PDE10A: variants seen among roughly 807,000 people sequenced by gnomAD.
PDE10A encodes cAMP and cAMP-inhibited cGMP 3',5'-cyclic phosphodiesterase 10A.
PDE10A carries 39 observed loss-of-function variants against 97.7 expected under a neutral mutation model. That is an observed-to-expected ratio of 0.40 (90% CI 0.31 to 0.52). The LOEUF is 0.52. Ranked by LOEUF, PDE10A falls within the 20% of genes least tolerant of loss-of-function variation. The pLI is 0.56. For missense variants in PDE10A, 731 were observed against 1,047.8 expected (o/e 0.70, Z 4.17); for synonymous variants, 371 against 376.8 (o/e 0.98, Z 0.18).
chr6:165,601,158 T>A (rs1489236511), intron 1 of PDE10A, among the ~76,000 whole-genome samples: 3 of 152,164 alleles, frequency 2.0e-5, no homozygotes, highest in Non-Finnish European at 4.4e-5. Flanking sequence ...GGGTTTCCAC[T>A]TTTGCTTCTT....
intron 13 of PDE10A, among the ~76,000 whole-genome samples, chr6:165,405,147 A>G (rs1333001171): frequency 2.6e-5 from 4 of 152,202 alleles, no homozygotes; most frequent in African/African-American, 9.6e-5. Context: ...TTCAGGAGAA[A>G]GTAGGGGCAT....
intron 18 of PDE10A, among the ~76,000 whole-genome samples, chr6:165,353,189 C>T (rs1220328324): frequency 6.6e-6 from 1 of 152,056 alleles, no homozygotes; most frequent in Non-Finnish European, 1.5e-5. Context: ...CTGACAATGC[C>T]CAATGCTGGA....
At position 165,562,247 on chromosome 6, in the gene PDE10A, T is replaced by G. The variant is rs1784557020; in HGVS notation, c.866-18679A>C. ...CAAAAGATATAAACCAAATTTATAT[T>G]TAAAGGGTATAATTCATATTATGTA... is the stretch of plus-strand genomic sequence containing the variant. On this transcript the variant is annotated intron_variant, in intron 1 of 21. Transcript: ENST00000539869. Among the ~76,000 whole-genome samples the G allele has an allele frequency of 2.0e-5, 3 of 152,322 alleles. No homozygotes were observed. In the South Asian group the frequency reaches 6.2e-4, roughly 32 times the overall value.
intron 17 of PDE10A, among the ~76,000 whole-genome samples, chr6:165,385,930 A>AAG (rs1785271891): frequency 6.6e-6 from 1 of 152,134 alleles, no homozygotes; most frequent in Non-Finnish European, 1.5e-5. Context: ...CTGTTTTTGC[A>AAG]ATGTACCTAG....
intron 1 of PDE10A, among the ~76,000 whole-genome samples, chr6:165,889,375 A>T (rs1781714315): frequency 6.6e-6 from 1 of 152,224 alleles, no homozygotes; most frequent in Non-Finnish European, 1.5e-5. Context: ...CTGCACTCTC[A>T]TATGCAACAC....
Position 165,371,660 on chromosome 6 carries a change from T to C in PDE10A, c.2783+7534A>G, listed in dbSNP as rs1320146759. The stretch of plus-strand genomic sequence containing the variant: ...ATTCTACCAGAGTACAAGGAGGAAC[T>C]GGTACCATTCCTTCTGAAACTATTC... On this transcript the variant is annotated intron_variant, in intron 18 of 21. Coordinates refer to ENST00000539869, the MANE Select transcript of PDE10A (RefSeq NM_001385079.1). Among the ~76,000 whole-genome samples, 8 of 152,196 alleles carry C rather than the reference T, an allele frequency of 5.3e-5. No individual in the cohort carries two copies. In the South Asian group the frequency reaches 1.4e-3, roughly 28 times the overall value.
At chr6:165,570,027 C>T (rs1039263042) in intron 1 of PDE10A, among the ~76,000 whole-genome samples, 7 of 152,072 alleles carry the variant, frequency 4.6e-5, no homozygotes, top group Non-Finnish European at 7.4e-5. Flanking sequence ...AAATTGTGTT[C>T]CTCCAAAATT....
At chr6:165,537,152 C>G (rs149589852) in intron 2 of PDE10A, among the ~76,000 whole-genome samples, 8 of 151,996 alleles carry the variant, frequency 5.3e-5, no homozygotes, top group Non-Finnish European at 1.0e-4. Flanking sequence ...ATGGATGGAA[C>G]TAGAGTCCAT....
intron 1 of PDE10A, among the ~76,000 whole-genome samples, chr6:165,749,244 A>G (rs1195641045): frequency 1.4e-5 from 1 of 71,408 alleles, no homozygotes; most frequent in African/African-American, 5.1e-5. Flanking sequence ...CCACCATCAC[A>G]TCACCATCAT....
At chr6:165,857,610 CTGA>C (rs1562770409) in intron 1 of PDE10A, among the ~76,000 whole-genome samples, 9 of 8,050 alleles carry the variant, frequency 1.1e-3, no homozygotes, top group African/African-American at 8.0e-3. Flanking sequence ...TATGCAGAAG[CTGA>C]GAAGCTGAGG....
chr6:165,768,457 C>T (rs1333686297), intron 1 of PDE10A, among the ~76,000 whole-genome samples: 5 of 151,928 alleles, frequency 3.3e-5, no homozygotes, highest in Admixed American at 6.6e-5. Flanking sequence ...TTGTGTAAAA[C>T]GTAAGGTAGT....
At chr6:165,874,921 C>T (rs1033914428) in intron 1 of PDE10A, among the ~76,000 whole-genome samples, 1 of 152,102 alleles carries the variant, frequency 6.6e-6, no homozygotes. Flanking sequence ...AGAAAGGACA[C>T]TGGGTCAGTA....
At chr6:165,463,104 T>C (rs934300982) in intron 3 of PDE10A, among the ~76,000 whole-genome samples, 2 of 152,208 alleles carry the variant, frequency 1.3e-5, no homozygotes, top group South Asian at 4.1e-4. Context: ...ATGTTTAGCT[T>C]GAATTGCACC....
chr6:165,943,132 A>G (rs1397146611), intron 1 of PDE10A, among the ~76,000 whole-genome samples: 1 of 132,902 alleles, frequency 7.5e-6, no homozygotes, highest in East Asian at 2.2e-4. Flanking sequence ...GGGGCAGGGG[A>G]GGCAAGAGAG....
intron 1 of PDE10A, among the ~76,000 whole-genome samples, chr6:165,849,872 TCTC>T (rs773449871): frequency 4.6e-5 from 7 of 152,202 alleles, no homozygotes; most frequent in Non-Finnish European, 8.8e-5. Context: ...GCACAAGTGT[TCTC>T]CTCCCAATCT....
At position 165,416,210 on chromosome 6, in the gene PDE10A, T is replaced by C. The variant is rs763642598; in HGVS notation, c.1868A>G (p.Tyr623Cys). 1.2e-6 allele frequency: 2 copies of C among 1,611,632 alleles called. No individual in the cohort carries two copies. Among genetic ancestry groups the C allele is most frequent in the Admixed American group, 1.7e-5 (1 of 60,016 alleles). Residue 623 changes from tyrosine to cysteine, a missense_variant, in exon 12 of 22, where the codon TAT becomes TGT. Tyr to Cys is a radical substitution (Grantham distance 194). Coordinates refer to ENST00000539869, the MANE Select transcript of PDE10A (RefSeq NM_001385079.1). ...TTACCTGTTAAAGCGTGGGTCTGCA[T>C]AGGCATCTGGAATGTTCAGGACTTC... ...TGEVLNIPDA[Y>C]ADPRFNREVD...
chr6:165,738,964 T>A (rs1792651048), intron 1 of PDE10A, among the ~76,000 whole-genome samples: 1 of 152,198 alleles, frequency 6.6e-6, no homozygotes. Context: ...CAGTGAAAAC[T>A]ACAGAACATT....
At chr6:165,949,487 A>T (rs890005685) in intron 1 of PDE10A, 1 of 151,808 alleles carries the variant, frequency 6.6e-6, no homozygotes, top group Non-Finnish European at 1.5e-5. Context: ...AACACATCGG[A>T]TGATGACTGG....
At chr6:165,658,136 C>T (rs900845145) in intron 1 of PDE10A, among the ~76,000 whole-genome samples, 1 of 152,124 alleles carries the variant, frequency 6.6e-6, no homozygotes, top group Admixed American at 6.5e-5. Context: ...AAGTTAATGG[C>T]GAGTCTAGTG....
Sources: allele counts gnomAD v4.1 joint callset (sites outside exome capture counted in the v4.1 genomes callset), GRCh38; gene constraint gnomAD v4.1.1; transcripts MANE v1.5; gene names NCBI Gene and HGNC (gene_info 2026-07-23, HGNC 2026-07-21).